The following MNT variants were observed in gnomAD, a reference collection of about 807,000 sequenced individuals.
MNT encodes max-binding protein MNT.
In MNT, 13 loss-of-function variants were observed where a neutral mutation model predicts 40.7. The ratio of observed to expected loss-of-function variants is 0.32; its 90% CI spans 0.21 to 0.51. The LOEUF is 0.51. Ranked by LOEUF, MNT falls within the 20% of genes least tolerant of loss-of-function variation. The probability of loss-of-function intolerance (pLI) is 0.98; values close to 1 mark genes in which losing one functional copy is unlikely to be tolerated. For missense variants in MNT, 757 were observed against 792.0 expected (o/e 0.96, Z 0.53); for synonymous variants, 426 against 354.8 (o/e 1.20, Z -2.26).
At position 2,395,003 on chromosome 17, in the gene MNT, G is replaced by A; in HGVS notation, c.525C>T (p.Thr175=). The change falls in exon 2 of 6, where the codon ACC becomes ACT. Residue 175 remains threonine (T), a synonymous_variant. Coordinates refer to ENST00000174618, the MANE Select transcript of MNT (RefSeq NM_020310.3). ...GCTGGACTCCAGGGTGTGGCGCTAT[G>A]GTCAGGACAGGCGTGGGGAGGGGCT... ...PLQPLPTPVL[T]IAPHPGVQPQ... is the part of the protein sequence containing the mutation. 3 of 1,605,748 alleles carry A rather than the reference G, an allele frequency of 1.9e-6. No homozygotes were observed. The highest frequency in any genetic ancestry group is 2.5e-6 in the Non-Finnish European group (3 of 1,176,506).
At chr17:2,388,768 C>T (rs1344320946) in intron 4 of MNT, among the ~76,000 whole-genome samples, 1 of 152,180 alleles carries the variant, frequency 6.6e-6, no homozygotes, top group East Asian at 1.9e-4. Flanking sequence ...AGCTCCCCTC[C>T]ACACTCAGTC....
intron 2 of MNT, 90 bp from the exon 3 acceptor site, chr17:2,394,436 G>T: frequency 6.3e-7 from 1 of 1,582,128 alleles, no homozygotes. Flanking sequence ...ATTGCCACAG[G>T]CTGTTTGTCC....
rs1437216219 is a variant in MNT, at chr17:2,386,958, G to A, written c.1692C>T (p.Asn564=). 6.6e-7 allele frequency: 1 copy of A among 1,518,922 alleles called. No individual in the cohort carries two copies. The highest frequency in any genetic ancestry group is 2.1e-5 in the Admixed American group (1 of 48,200). The allele number at this position is 1,518,922 out of a possible 1,614,324, so 94.1% of individuals were successfully genotyped here. A position where few individuals can be genotyped will look rare whatever the true frequency, so the allele number is the denominator to read the frequency against. The stretch of plus-strand genomic sequence containing the variant: ...AGGGCATGGTGACCATGGTCACAGG[G>A]TTGAGCACGGTCTGGCCCACCAGCT... ...HPQLVGQTVL[N]PVTMVTMPSF... The change falls in exon 6 of 6, where the codon AAC becomes AAT. Residue 564 remains asparagine, a synonymous_variant. Transcript: ENST00000174618.
rs768727951 is a variant in MNT, at chr17:2,394,943, C to T, written c.585G>A (p.Thr195=). 5 of 1,607,764 alleles carry T rather than the reference C, an allele frequency of 3.1e-6. No homozygotes were observed. The highest frequency in any genetic ancestry group is 2.7e-5 in the African/African-American group (2 of 74,788). Residue 195 remains threonine (T), a synonymous_variant, in exon 2 of 6, where the codon ACG becomes ACA. Transcript: ENST00000174618. ...QLAPQQPPPP[T]LGTLKLAPAE... ...CTGGTGCCAACTTCAGGGTCCCCAGCGTGGGTGGGGGCGGCTGCTGGGGGG... is the reference window on the plus strand; with the variant it reads ...CTGGTGCCAACTTCAGGGTCCCCAGTGTGGGTGGGGGCGGCTGCTGGGGGG...
chr17:2,392,774 C>T (rs925127731), intron 4 of MNT: 1 of 151,652 alleles, frequency 6.6e-6, no homozygotes, highest in African/African-American at 2.4e-5. Context: ...ACCGCCCCCG[C>T]CCGCTGCAGC....
At chr17:2,400,289 A>C in intron 1 of MNT, 2 of 241,412 alleles carry the variant, frequency 8.3e-6, no homozygotes, top group Non-Finnish European at 1.6e-5. Context: ...TGCCACCCCC[A>C]CGCAACACCA....
intron 1 of MNT, among the ~76,000 whole-genome samples, chr17:2,398,186 C>A (rs1033607322): frequency 6.6e-6 from 1 of 152,248 alleles, no homozygotes; most frequent in Non-Finnish European, 1.5e-5. Flanking sequence ...TCTGGACACT[C>A]CAACCAACTC....
chr17:2,386,777 A>T lies in MNT; in HGVS notation c.*124T>A. The T allele has an allele frequency of 1.2e-6, 1 of 850,806 alleles. No homozygotes were observed. 52.7% of individuals were successfully genotyped at this position (850,806 alleles called of 1,614,324 possible). On this transcript the variant is annotated 3_prime_UTR_variant, in exon 6 of 6. Coordinates refer to ENST00000174618, the MANE Select transcript of MNT (RefSeq NM_020310.3). ...AGTCTTTGCACCCCCTTCCCCTAGG[A>T]GGCCTGGGGGTGGGTGGGGGGGCTG... is the stretch of plus-strand genomic sequence containing the variant.
intron 2 of MNT, 87 bp from the exon 3 acceptor site, chr17:2,394,433 C>A (rs1193301326): frequency 1.3e-6 from 2 of 1,589,376 alleles, no homozygotes; most frequent in African/African-American, 2.7e-5. Context: ...AAAATTGCCA[C>A]AGGCTGTTTG....
At chr17:2,393,423 C>A (rs953397796) in intron 4 of MNT, among the ~76,000 whole-genome samples, 3 of 152,230 alleles carry the variant, frequency 2.0e-5, no homozygotes, top group Non-Finnish European at 4.4e-5. Flanking sequence ...GGAAGGAAAG[C>A]GTGACGTGTT....
intron 1 of MNT, 135 bp from the exon 2 acceptor site, chr17:2,395,589 C>T: frequency 6.9e-7 from 1 of 1,454,964 alleles, no homozygotes; most frequent in Admixed American, 2.3e-5. Flanking sequence ...AAATAGCCTA[C>T]CAGCCCAGCC....
Position 2,387,515 on chromosome 17 carries a change from G to A in MNT, c.1135C>T (p.Pro379Ser). The A allele has an allele frequency of 6.2e-7, 1 of 1,613,274 alleles. No individual in the cohort carries two copies. Among genetic ancestry groups the A allele is most frequent in the Non-Finnish European group, 8.5e-7 (1 of 1,179,790 alleles). The change falls in exon 6 of 6, where the codon CCT becomes TCT. Residue 379 changes from proline to serine, a missense_variant. Pro to Ser is a moderately conservative substitution (Grantham distance 74, BLOSUM62 -1). Around this residue, in one of 4 missense-constraint regions of MNT, gnomAD observed 345 missense variants for 380.1 expected, o/e 0.91. Transcript: ENST00000174618. ...PPPSTTPAPLPPHPHPHPHSV... is the reference protein window; with the variant it reads ...PPPSTTPAPLSPHPHPHPHSV... Reference sequence around the variant, plus strand: ...TGGGGGTGAGGGTGTGGGTGTGGAGGCAGAGGCGCAGGGGTGGTGCTGGGG... The same window carrying A: ...TGGGGGTGAGGGTGTGGGTGTGGAGACAGAGGCGCAGGGGTGGTGCTGGGG...
chr17:2,393,146 C>T (rs1362568089), intron 4 of MNT, among the ~76,000 whole-genome samples: 3 of 150,862 alleles, frequency 2.0e-5, no homozygotes, highest in East Asian at 3.9e-4. Context: ...CCCACCCCCC[C>T]CCCAACGCGG....
intron 1 of MNT, among the ~76,000 whole-genome samples, chr17:2,397,365 C>G (rs2151672137): frequency 6.6e-6 from 1 of 152,254 alleles, no homozygotes; most frequent in South Asian, 2.1e-4. Flanking sequence ...AGACAAGGCT[C>G]TGGATCCCAG....
In MNT at chr17:2,394,031, C is replaced by G; in HGVS notation, c.807+12G>C. 6.4e-7 allele frequency: 1 copy of G among 1,559,944 alleles called. No homozygotes were observed. Among genetic ancestry groups the G allele is most frequent in the East Asian group, 2.5e-5 (1 of 39,382 alleles). ...GGGGAAGCTGCGCGACGCCGGCCTC[C>G]GGGCCCCATACCTGGATGTACCGCA... On this transcript the variant is annotated intron_variant, in intron 4 of 5. Transcript: ENST00000174618.
In MNT at chr17:2,395,465, A is replaced by G. The variant is rs779426710; in HGVS notation, c.74-11T>C. ...GCCGCTCCTGCTCCTCTACACAGAG[A>G]GAACACAAGGGGGGGAGGGTCTCAG... On this transcript the variant is annotated splice_polypyrimidine_tract_variant and intron_variant, in intron 1 of 5. Transcript: ENST00000174618. 1.2e-5 allele frequency: 19 copies of G among 1,610,284 alleles called. No homozygotes were observed. Among genetic ancestry groups the G allele is most frequent in the Non-Finnish European group, 1.4e-5 (17 of 1,179,830 alleles).
rs531969658 is a variant in MNT, at chr17:2,395,085, G to C, written c.443C>G (p.Pro148Arg). 6.6e-7 allele frequency: 1 copy of C among 1,522,462 alleles called. No homozygotes were observed. The highest frequency in any genetic ancestry group is 1.4e-5 in the African/African-American group (1 of 72,522). The allele number at this position is 1,522,462 out of a possible 1,614,324, so 94.3% of individuals were successfully genotyped here. Residue 148 changes from proline (P) to arginine (R), a missense_variant, in exon 2 of 6, where the codon CCC becomes CGC. Transcript: ENST00000174618. ...GGTGGCCTTCGAGTCCGGCAGTAGGGGAGCAGGGGTGGGCACCTGCGGCCT... is the reference window on the plus strand; with the variant it reads ...GGTGGCCTTCGAGTCCGGCAGTAGGCGAGCAGGGGTGGGCACCTGCGGCCT... ...PSRPQVPTPA[P>R]LLPDSKATIP...
chr17:2,392,857 G>A (rs1394151935), intron 4 of MNT: 4 of 152,030 alleles, frequency 2.6e-5, no homozygotes, highest in African/African-American at 4.8e-5. Context: ...CCCGCCCCCT[G>A]GCCGGGAGGG....
chr17:2,398,842 G>A (rs565743784), intron 1 of MNT, among the ~76,000 whole-genome samples: 16 of 152,228 alleles, frequency 1.1e-4, no homozygotes, highest in African/African-American at 3.9e-4. Flanking sequence ...GACCATCAAG[G>A]CAACAGCCGG....
Sources: allele counts gnomAD v4.1 joint callset (sites outside exome capture counted in the v4.1 genomes callset), GRCh38; gene constraint gnomAD v4.1.1; regional missense constraint gnomAD v4.1.1; transcripts MANE v1.5; gene names NCBI Gene and HGNC (gene_info 2026-07-23, HGNC 2026-07-21).